LAMC2: variants seen among roughly 807,000 people sequenced by gnomAD.
The protein encoded by LAMC2 is laminin subunit gamma-2.
In LAMC2, 97 loss-of-function variants were observed where a neutral mutation model predicts 140.2. That is an observed-to-expected ratio of 0.69 (90% CI 0.59 to 0.82). The LOEUF (loss-of-function observed/expected upper bound fraction) is 0.82, where lower values mean the gene tolerates loss of function less well. LAMC2 is among the 40% of genes least tolerant of loss of function. The pLI is 0.00. For missense variants in LAMC2, 1,402 were observed against 1,476.1 expected (o/e 0.95, Z 0.82); for synonymous variants, 513 against 540.2 (o/e 0.95, Z 0.70).
intron 3 of LAMC2, among the ~76,000 whole-genome samples, chr1:183,217,531 A>C (rs1268811802): frequency 1.3e-5 from 2 of 152,264 alleles, no homozygotes; most frequent in Non-Finnish European, 2.9e-5. Context: ...AACAGTAACC[A>C]AAAAGAATAT....
intron 1 of LAMC2, among the ~76,000 whole-genome samples, chr1:183,197,513 A>T (rs889087118): frequency 6.6e-6 from 1 of 152,060 alleles, no homozygotes; most frequent in Non-Finnish European, 1.5e-5. Context: ...TGTCTCTACT[A>T]AAAATACAAA....
intron 2 of LAMC2, among the ~76,000 whole-genome samples, chr1:183,209,913 A>G (rs1181871875): frequency 6.6e-6 from 1 of 152,090 alleles, no homozygotes; most frequent in Non-Finnish European, 1.5e-5. Flanking sequence ...TTATTTGGGT[A>G]ATAGATATCC....
intron 11 of LAMC2, among the ~76,000 whole-genome samples, chr1:183,229,234 C>A (rs1037785414): frequency 1.3e-5 from 2 of 152,166 alleles, no homozygotes; most frequent in African/African-American, 4.8e-5. Context: ...ATTTTAGAGG[C>A]AAGTTCAGTT....
At chr1:183,249,680 GGCGTGT>G (rs1464247833), downstream of LAMC2, 11 of 116,216 alleles carry the variant, frequency 9.5e-5, no homozygotes, top group African/African-American at 3.8e-4. Context: ...TGAAGAGTAG[GGCGTGT>G]GTGTGTGTGT....
At position 183,234,539 on chromosome 1, in the gene LAMC2, A is replaced by G; in HGVS notation, c.2300+93A>G. The G allele has an allele frequency of 3.0e-6, 3 of 994,974 alleles. No homozygotes were observed. In the South Asian group the frequency reaches 4.0e-5, roughly 13 times the overall value. The allele number at this position is 994,974 out of a possible 1,614,324, so 61.6% of individuals were successfully genotyped here. A position where few individuals can be genotyped will look rare whatever the true frequency, so the allele number is the denominator to read the frequency against. ...AGGGTATTAGGGACCCAAGCATCGT[A>G]TTTATTCTCTCCAGGCTCCTTTGCA... On this transcript the variant is annotated intron_variant, in intron 15 of 22. Transcript: ENST00000264144.
rs567311420 is a variant in LAMC2, at chr1:183,236,753, T to C, written c.2601+149T>C. The C allele has an allele frequency of 6.7e-5, 63 of 942,766 alleles. No homozygotes were observed. The African/African-American group carries it at 6.8e-4, about 10-fold the overall frequency. 58.4% of individuals were successfully genotyped at this position (942,766 alleles called of 1,614,324 possible). ...GTGGGAAGAGTATTTAGCCTTCTCA[T>C]TACCCATTTGCTTGTTCTTAAACCA... On this transcript the variant is annotated intron_variant, in intron 17 of 22. Transcript: ENST00000264144.
At chr1:183,202,943 C>A (rs1005207463) in intron 1 of LAMC2, among the ~76,000 whole-genome samples, 1 of 152,120 alleles carries the variant, frequency 6.6e-6, no homozygotes, top group Non-Finnish European at 1.5e-5. Flanking sequence ...TTCATTCATT[C>A]ATTTGTTTGT....
chr1:183,203,820 A>G (rs1413864760), intron 1 of LAMC2, among the ~76,000 whole-genome samples: 2 of 152,174 alleles, frequency 1.3e-5, no homozygotes, highest in African/African-American at 4.8e-5. Context: ...CATGAGGCCC[A>G]TACATCCCCT....
At chr1:183,253,946 T>C in the LAMC2 span, among the ~76,000 whole-genome samples, 1 of 143,400 alleles carries the variant, frequency 7.0e-6, no homozygotes, top group Non-Finnish European at 1.5e-5. Flanking sequence ...TGTGTGTGTA[T>C]GTGTGTGTGT....
downstream of LAMC2, among the ~76,000 whole-genome samples, chr1:183,245,284 C>A (rs914747710): frequency 1.3e-5 from 2 of 152,196 alleles, no homozygotes; most frequent in East Asian, 1.9e-4. Context: ...TGGTCATCTA[C>A]GCAAGCGGCT....
intron 15 of LAMC2, among the ~76,000 whole-genome samples, chr1:183,235,092 G>C (rs1390433426): frequency 6.6e-6 from 1 of 151,596 alleles, no homozygotes; most frequent in Non-Finnish European, 1.5e-5. Context: ...TGTTTCTTTG[G>C]GTTTTTTTTA....
chr1:183,228,967 A>G lies in LAMC2; in HGVS notation c.1714+348A>G, dbSNP rs1057250124. 6.6e-6 allele frequency among the ~76,000 whole-genome samples: 1 copy of G among 152,172 alleles called. No homozygotes were observed. The highest frequency in any genetic ancestry group is 1.5e-5 in the Non-Finnish European group (1 of 68,030). On this transcript the variant is annotated intron_variant, in intron 11 of 22. Coordinates refer to ENST00000264144, the MANE Select transcript of LAMC2 (RefSeq NM_005562.3). This position sits in a 1 kb window ranked among gnomAD's most constrained non-coding sequence, Gnocchi z 4.3. ...GTGGCTGCCAAACCTGTTGTAGGAG[A>G]GTAATAAATGACTTGAGAGTAAGCC... is the stretch of plus-strand genomic sequence containing the variant.
In LAMC2 at chr1:183,235,807, G is replaced by A; in HGVS notation, c.2456+77G>A. 2.7e-6 allele frequency: 4 copies of A among 1,458,100 alleles called. No individual in the cohort carries two copies. The Admixed American group carries it at 7.1e-5, about 26-fold the overall frequency. 90.3% of individuals were successfully genotyped at this position (1,458,100 alleles called of 1,614,324 possible). A position where few individuals can be genotyped will look rare whatever the true frequency, so the allele number is the denominator to read the frequency against. Reference sequence around the variant, plus strand: ...GGCAAAATGCTAACCGTACTTGAGGGGCACCATGCTAGTTGTAAAAAACAT... The same window carrying A: ...GGCAAAATGCTAACCGTACTTGAGGAGCACCATGCTAGTTGTAAAAAACAT... On this transcript the variant is annotated intron_variant, in intron 16 of 22. Coordinates refer to ENST00000264144, the MANE Select transcript of LAMC2 (RefSeq NM_005562.3).
chr1:183,215,672 G>T (rs1571518692), intron 3 of LAMC2, 84 bp downstream of exon 3: 2 of 1,535,908 alleles, frequency 1.3e-6, no homozygotes, highest in East Asian at 2.2e-5. Context: ...TATTTACTGA[G>T]CCCCTACCCT....
At position 183,216,858 on chromosome 1, in the gene LAMC2, C is replaced by T. The variant is rs78468283; in HGVS notation, c.404+1270C>T. ...ATGTCCAGTGCATCTGCAGCTGGCC[C>T]TGTGCCTGCTGCCCTTGCGATCCAC... On this transcript the variant is annotated intron_variant, in intron 3 of 22. Coordinates refer to ENST00000264144, the MANE Select transcript of LAMC2 (RefSeq NM_005562.3). Among the ~76,000 whole-genome samples the T allele has an allele frequency of 1.9e-3, 281 of 151,442 alleles. 1 individual carries two copies. The highest frequency in any genetic ancestry group is 6.6e-3 in the African/African-American group (272 of 41,252).
In LAMC2 at chr1:183,243,284, C is replaced by T. The variant is rs769321477; in HGVS notation, c.3466C>T (p.Leu1156Phe). The change falls in exon 23 of 23, where the codon CTC becomes TTC. Residue 1156 changes from leucine (L) to phenylalanine (F), a missense_variant. Around this residue, in one of 3 missense-constraint regions of LAMC2, gnomAD observed 670 missense variants for 667.2 expected, o/e 1.00. Transcript: ENST00000264144. Reference protein sequence around the residue: ...EERARQQRGHLHLLETSIDGI... With the variant: ...EERARQQRGHFHLLETSIDGI... ...GAGGGCACGTCAGCAGAGGGGCCAC[C>T]TCCATTTGCTGGAGACAAGCATAGA... 2 of 1,614,218 alleles carry T rather than the reference C, an allele frequency of 1.2e-6. No homozygotes were observed. The highest frequency in any genetic ancestry group is 2.2e-5 in the East Asian group (1 of 44,882).
intron 2 of LAMC2, among the ~76,000 whole-genome samples, chr1:183,209,696 G>C (rs1397669528): frequency 3.9e-5 from 6 of 152,208 alleles, no homozygotes; most frequent in African/African-American, 1.4e-4. Flanking sequence ...CCAGTGAAAT[G>C]ATCAGTGAGA....
chr1:183,191,668 G>A (rs1658338531), intron 1 of LAMC2, among the ~76,000 whole-genome samples: 1 of 152,098 alleles, frequency 6.6e-6, no homozygotes, highest in East Asian at 1.9e-4. Flanking sequence ...GACCAGCTTG[G>A]TCAACATGGT....
chr1:183,236,637 A>T (rs760778305), intron 17 of LAMC2, 33 bp downstream of exon 17: 8 of 1,612,646 alleles, frequency 5.0e-6, no homozygotes, highest in East Asian at 2.2e-5. Flanking sequence ...CTTGATATAC[A>T]GGAGGGCCAT....
Sources: allele counts gnomAD v4.1 joint callset (sites outside exome capture counted in the v4.1 genomes callset), GRCh38; gene constraint gnomAD v4.1.1; regional missense constraint gnomAD v4.1.1; non-coding constraint Gnocchi (gnomAD v3.1); transcripts MANE v1.5; gene names NCBI Gene and HGNC (gene_info 2026-07-23, HGNC 2026-07-21).